The following CTNND2 variants were observed in gnomAD, a reference collection of about 807,000 sequenced individuals.
CTNND2 encodes catenin delta 2.
A neutral mutation model predicts 144.4 loss-of-function variants in CTNND2; 22 were observed. That is an observed-to-expected ratio of 0.15 (90% CI 0.11 to 0.22). CTNND2 has a LOEUF of 0.22. CTNND2 is among the 10% of genes least tolerant of loss of function. The pLI, the probability that CTNND2 is intolerant of heterozygous loss-of-function variation, is 1.00. For synonymous variants in CTNND2, 751 were observed against 695.6 expected (o/e 1.08, Z -1.25); for missense variants, 1,353 against 1,618.8 (o/e 0.84, Z 2.82).
Position 11,655,398 on chromosome 5 carries a change from A to G in CTNND2, c.174+76738T>C, listed in dbSNP as rs574778977. Among the ~76,000 whole-genome samples the G allele has an allele frequency of 7.6e-4, 116 of 152,174 alleles. 2 individuals are homozygous for G. The South Asian group carries it at 0.024, about 31-fold the overall frequency. On this transcript the variant is annotated intron_variant, in intron 2 of 21. Coordinates refer to ENST00000304623, the MANE Select transcript of CTNND2 (RefSeq NM_001332.4). ...AACCACCACCCCCATTCTGCAAAACACAGCCATATATTTCGTCAAGACAGC... is the reference window on the plus strand; with the variant it reads ...AACCACCACCCCCATTCTGCAAAACGCAGCCATATATTTCGTCAAGACAGC...
At chr5:11,206,927 T>C (rs565601830) in intron 10 of CTNND2, among the ~76,000 whole-genome samples, 1 of 152,340 alleles carries the variant, frequency 6.6e-6, no homozygotes, top group East Asian at 1.9e-4. Context: ...ACTACTATCC[T>C]ATCTCTGCAG....
At chr5:11,244,280 ATTT>A (rs11322159) in intron 9 of CTNND2, among the ~76,000 whole-genome samples, 4,832 of 103,936 alleles carry the variant, frequency 0.046, 100 homozygotes, top group Admixed American at 0.13. Flanking sequence ...GTCCTATACA[ATTT>A]TTTTTTTTTT....
At chr5:10,986,212 C>T (rs1247098043) in intron 20 of CTNND2, among the ~76,000 whole-genome samples, 1 of 152,156 alleles carries the variant, frequency 6.6e-6, no homozygotes, top group Non-Finnish European at 1.5e-5. Flanking sequence ...GATTAAATAT[C>T]AGAAACATAG....
intron 2 of CTNND2, among the ~76,000 whole-genome samples, chr5:11,606,130 G>A (rs1780033352): frequency 6.6e-6 from 1 of 152,110 alleles, no homozygotes; most frequent in South Asian, 2.1e-4. Flanking sequence ...GAATACAAGT[G>A]GACTCCGGAA....
At chr5:11,237,931 A>C (rs1044638586) in intron 9 of CTNND2, among the ~76,000 whole-genome samples, 4 of 152,172 alleles carry the variant, frequency 2.6e-5, no homozygotes, top group African/African-American at 9.7e-5. Flanking sequence ...TTATAATAGG[A>C]AATTATTTAT....
At chr5:11,212,762 G>C (rs537052172) in intron 10 of CTNND2, among the ~76,000 whole-genome samples, 76 of 152,330 alleles carry the variant, frequency 5.0e-4, no homozygotes, top group Admixed American at 4.2e-3. Context: ...CTGGAGAGTG[G>C]GAGCTGGTCT....
chr5:11,751,272 G>T (rs989045024), intron 1 of CTNND2, among the ~76,000 whole-genome samples: 3 of 151,734 alleles, frequency 2.0e-5, no homozygotes, highest in Non-Finnish European at 2.9e-5. Context: ...TACATATGCA[G>T]GTTTGTAATA....
intron 9 of CTNND2, among the ~76,000 whole-genome samples, chr5:11,294,311 A>G (rs184176152): frequency 2.1e-4 from 32 of 152,272 alleles, no homozygotes; most frequent in Non-Finnish European, 2.1e-4. Flanking sequence ...TGGAATACAC[A>G]TAAAGCCCAT....
chr5:11,507,029 T>C (rs1005360568), intron 3 of CTNND2, among the ~76,000 whole-genome samples: 2 of 152,186 alleles, frequency 1.3e-5, no homozygotes, highest in Non-Finnish European at 2.9e-5. Flanking sequence ...TATTAAATCT[T>C]ATATCTGATC....
In CTNND2 at chr5:11,886,923, T is replaced by C. The variant is rs537216087; in HGVS notation, c.37+16894A>G. On this transcript the variant is annotated intron_variant, in intron 1 of 21. Coordinates refer to ENST00000304623, the MANE Select transcript of CTNND2 (RefSeq NM_001332.4). ...GAGCAATTTTACAAATTTCAAGTTA[T>C]GTTTCTTTTGATTCCAAGCCACTAT... 2.6e-5 allele frequency among the ~76,000 whole-genome samples: 4 copies of C among 152,084 alleles called. No homozygotes were observed. In the South Asian group the frequency reaches 6.2e-4, roughly 24 times the overall value.
At chr5:10,993,890 T>TTTGA (rs1393011405) in intron 18 of CTNND2, among the ~76,000 whole-genome samples, 1 of 152,110 alleles carries the variant, frequency 6.6e-6, no homozygotes, top group Non-Finnish European at 1.5e-5. Context: ...TTCAATGATT[T>TTTGA]TTGATAGAGT....
Position 11,827,557 on chromosome 5 carries a change from A to C in CTNND2, c.37+76260T>G, listed in dbSNP as rs555404184. 2.0e-5 allele frequency among the ~76,000 whole-genome samples: 3 copies of C among 152,336 alleles called. No homozygotes were observed. The East Asian group carries it at 5.8e-4, about 29-fold the overall frequency. ...ACATCAGTAGACACATCAAGCAAGA[A>C]AAAGATAGAGAAAACATAAAATACT... On this transcript the variant is annotated intron_variant, in intron 1 of 21. Coordinates refer to ENST00000304623, the MANE Select transcript of CTNND2 (RefSeq NM_001332.4).
At chr5:11,471,264 A>T (rs959488934) in intron 3 of CTNND2, among the ~76,000 whole-genome samples, 16 of 152,042 alleles carry the variant, frequency 1.1e-4, no homozygotes, top group African/African-American at 3.6e-4. Context: ...GGCCTGAGCC[A>T]CTGCACCTGG....
At chr5:11,182,069 T>G (rs1277126508) in intron 11 of CTNND2, among the ~76,000 whole-genome samples, 2 of 125,486 alleles carry the variant, frequency 1.6e-5, no homozygotes, top group African/African-American at 3.1e-5. Flanking sequence ...GGGGTGTGTG[T>G]GGTGTGTGTG....
intron 3 of CTNND2, among the ~76,000 whole-genome samples, chr5:11,525,580 C>T (rs1773169516): frequency 6.6e-6 from 1 of 152,186 alleles, no homozygotes; most frequent in Non-Finnish European, 1.5e-5. Context: ...GTGAACCACA[C>T]ACAGTTAAAA....
chr5:11,593,569 G>T (rs1561601529), intron 2 of CTNND2, among the ~76,000 whole-genome samples: 1 of 152,150 alleles, frequency 6.6e-6, no homozygotes, highest in Non-Finnish European at 1.5e-5. Context: ...ATGGGGGCAG[G>T]TTTTTCCCGT....
At chr5:11,262,590 G>A (rs955544462) in intron 9 of CTNND2, among the ~76,000 whole-genome samples, 7 of 151,180 alleles carry the variant, frequency 4.6e-5, no homozygotes, top group African/African-American at 4.9e-5. Flanking sequence ...GTGAAACCCC[G>A]TCTCTACTAA....
intron 11 of CTNND2, among the ~76,000 whole-genome samples, chr5:11,187,424 G>A (rs897229193): frequency 2.6e-5 from 4 of 152,008 alleles, no homozygotes; most frequent in Admixed American, 6.6e-5. Context: ...AAACTGGACC[G>A]CTTCCTTACA....
chr5:11,739,021 C>T (rs1279144429), intron 1 of CTNND2, among the ~76,000 whole-genome samples: 1 of 152,128 alleles, frequency 6.6e-6, no homozygotes, highest in Non-Finnish European at 1.5e-5. Flanking sequence ...GCAGCCCCTA[C>T]CCACACATGA....
Sources: allele counts gnomAD v4.1 joint callset (sites outside exome capture counted in the v4.1 genomes callset), GRCh38; gene constraint gnomAD v4.1.1; transcripts MANE v1.5; gene names NCBI Gene and HGNC (gene_info 2026-07-23, HGNC 2026-07-21).